The following PCCB variants were observed in gnomAD, a reference collection of about 807,000 sequenced individuals.
PCCB encodes the protein propionyl-CoA carboxylase beta chain, mitochondrial.
PCCB carries 43 observed loss-of-function variants against 60.7 expected under a neutral mutation model. The observed-to-expected ratio is 0.71, with a 90% CI of 0.55 to 0.91. PCCB has a LOEUF of 0.91. Ranked by LOEUF, PCCB falls within the 40% of genes least tolerant of loss-of-function variation. The probability of loss-of-function intolerance (pLI) is 0.00; values close to 1 mark genes in which losing one functional copy is unlikely to be tolerated. For synonymous variants in PCCB, 276 were observed against 255.9 expected (o/e 1.08, Z -0.75); for missense variants, 766 against 702.8 (o/e 1.09, Z -1.02).
At chr3:136,257,680 T>C (rs1941708759) in intron 3 of PCCB, among the ~76,000 whole-genome samples, 1 of 152,194 alleles carries the variant, frequency 6.6e-6, no homozygotes, top group Non-Finnish European at 1.5e-5. Flanking sequence ...CTCATGCCTG[T>C]AGTCCCAGTA....
intron 5 of PCCB, among the ~76,000 whole-genome samples, chr3:136,268,103 T>TATATATATAG (rs1942076610): frequency 4.0e-5 from 5 of 125,530 alleles, no homozygotes; most frequent in African/African-American, 1.7e-4. Context: ...TATATATATA[T>TATATATATAG]ATATATATAT....
At chr3:136,268,080 G>T (rs1247131724) in intron 5 of PCCB, among the ~76,000 whole-genome samples, 1 of 101,654 alleles carries the variant, frequency 9.8e-6, no homozygotes, top group Non-Finnish European at 2.0e-5. Flanking sequence ...GTGTGTGTGT[G>T]TGTGTAGATA....
rs1027171385 is a variant in PCCB at position 136,329,917 on chromosome 3, A to C, written c.1511A>C (p.Asp504Ala). 3.1e-6 allele frequency: 5 copies of C among 1,614,014 alleles called. No individual in the cohort carries two copies. The African/African-American group carries it at 5.3e-5, about 17-fold the overall frequency. ...TGTGCTTCACCAGGGTTTGTGGATG[A>C]CATCATCCAACCTTCTTCCACACGT... ...FPAAVRGFVD[D>A]IIQPSSTRAR... Residue 504 changes from aspartate (D) to alanine (A), a missense_variant, in exon 15 of 15, where the codon GAC becomes GCC. Coordinates refer to ENST00000251654, the MANE Select transcript of PCCB (RefSeq NM_000532.5).
intron 6 of PCCB, among the ~76,000 whole-genome samples, chr3:136,289,932 C>T (rs1190778774): frequency 2.6e-5 from 4 of 152,070 alleles, no homozygotes; most frequent in African/African-American, 9.7e-5. Flanking sequence ...TTCCTTCCTC[C>T]TATCCCTCAT....
intron 9 of PCCB, among the ~76,000 whole-genome samples, chr3:136,315,641 C>T (rs920563159): frequency 6.0e-5 from 9 of 151,168 alleles, no homozygotes; most frequent in Non-Finnish European, 8.8e-5. Context: ...GACCAGCCTG[C>T]GCAACATAGC....
chr3:136,269,657 G>C (rs1383266018), intron 5 of PCCB, among the ~76,000 whole-genome samples: 1 of 151,932 alleles, frequency 6.6e-6, no homozygotes, highest in East Asian at 1.9e-4. Context: ...AGGCCGAGGT[G>C]GGCATATCAC....
At chr3:136,289,284 A>C (rs1463979115) in intron 6 of PCCB, among the ~76,000 whole-genome samples, 1 of 152,172 alleles carries the variant, frequency 6.6e-6, no homozygotes, top group East Asian at 1.9e-4. Flanking sequence ...TTCCAGTGCT[A>C]TCAGTATTTG....
chr3:136,318,595 TTCTC>T (rs771329240), intron 10 of PCCB, among the ~76,000 whole-genome samples: 60 of 152,320 alleles, frequency 3.9e-4, no homozygotes, highest in Non-Finnish European at 6.2e-4. Flanking sequence ...TAAATCTACT[TTCTC>T]TCTCTATGAA....
At chr3:136,317,135 T>G (rs1408043541) in intron 10 of PCCB, 71 bp downstream of exon 10, 38 of 1,544,186 alleles carry the variant, frequency 2.5e-5, no homozygotes, top group Non-Finnish European at 3.6e-6. Context: ...ATGGTATCCT[T>G]TCTGTCTTTT....
intron 9 of PCCB, among the ~76,000 whole-genome samples, chr3:136,307,865 C>T: frequency 6.6e-6 from 1 of 151,972 alleles, no homozygotes; most frequent in East Asian, 1.9e-4. Context: ...ATCCCAGCTA[C>T]CCGGGAGGCT....
chr3:136,258,198 G>A (rs632016), intron 3 of PCCB, among the ~76,000 whole-genome samples: 107,679 of 152,124 alleles, frequency 0.71, 39,027 homozygotes, highest in East Asian at 0.86. Flanking sequence ...GCAGATGGAA[G>A]AATTCACTGA....
chr3:136,326,921 G>C lies in PCCB; in HGVS notation c.1198+11G>C, dbSNP rs952515018. 7.2e-6 allele frequency: 11 copies of C among 1,537,488 alleles called. No individual in the cohort carries two copies. In the Admixed American group the frequency reaches 1.2e-4, roughly 16 times the overall value. On this transcript the variant is annotated intron_variant, in intron 11 of 14. Coordinates refer to ENST00000251654, the MANE Select transcript of PCCB (RefSeq NM_000532.5). ...CTGGCTTTCTACCTGGTAAGTTTTT[G>C]ACAGAGTGGGGGCTAGGAGAGTTGC...
At chr3:136,321,478 A>G (rs1047205540) in intron 10 of PCCB, among the ~76,000 whole-genome samples, 3 of 152,246 alleles carry the variant, frequency 2.0e-5, no homozygotes, top group East Asian at 1.9e-4. Context: ...TCATGGTGGA[A>G]GGCAAAGTGG....
At chr3:136,268,130 A>C (rs1454927249) in intron 5 of PCCB, among the ~76,000 whole-genome samples, 3 of 135,084 alleles carry the variant, frequency 2.2e-5, no homozygotes, top group African/African-American at 8.9e-5. Context: ...ATGTATATAT[A>C]TATATATATA....
At chr3:136,271,949 G>A (rs558871421) in intron 5 of PCCB, among the ~76,000 whole-genome samples, 1 of 152,252 alleles carries the variant, frequency 6.6e-6, no homozygotes, top group East Asian at 1.9e-4. Flanking sequence ...AGTTTTCAGG[G>A]GGAATGCTTT....
At chr3:136,288,907 A>G (rs561127227) in intron 6 of PCCB, among the ~76,000 whole-genome samples, 47 of 152,214 alleles carry the variant, frequency 3.1e-4, no homozygotes, top group African/African-American at 1.1e-3. Context: ...GGGTCAAGCA[A>G]TCCTCTCACC....
intron 14 of PCCB, among the ~76,000 whole-genome samples, chr3:136,329,490 G>A (rs1337874637): frequency 6.6e-6 from 1 of 152,288 alleles, no homozygotes; most frequent in South Asian, 2.1e-4. Context: ...ACTCAACAAG[G>A]TTAAGCGAAG....
intron 6 of PCCB, among the ~76,000 whole-genome samples, chr3:136,287,737 T>C (rs1933484809): frequency 6.6e-6 from 1 of 152,186 alleles, no homozygotes; most frequent in Admixed American, 6.5e-5. Context: ...CGCCCAGTTA[T>C]AGTAAATATT....
intron 3 of PCCB, chr3:136,259,362 G>A: frequency 2.7e-6 from 1 of 377,210 alleles, no homozygotes; most frequent in South Asian, 1.3e-4. Flanking sequence ...CTACTCGGGA[G>A]GCTGAGGCAG....
Sources: gnomAD v4.1 joint callset for allele counts (sites outside exome capture counted in the v4.1 genomes callset) on GRCh38, gnomAD v4.1.1 for gene constraint, MANE v1.5 for transcripts, NCBI Gene and HGNC (gene_info 2026-07-23, HGNC 2026-07-21) for gene names.